LGSN: variants seen among roughly 807,000 people sequenced by gnomAD.
LGSN encodes the protein lengsin.
In LGSN, 21 loss-of-function variants were observed where a neutral mutation model predicts 19.5. The observed-to-expected ratio is 1.07, with a 90% CI of 0.76 to 1.55. The LOEUF is 1.55. Among genes scored for constraint, LGSN ranks in the 40% most tolerant of loss-of-function variants. LGSN has a pLI of 0.00. For missense variants in LGSN, 673 were observed against 608.5 expected (o/e 1.11, Z -1.12); for synonymous variants, 257 against 215.6 (o/e 1.19, Z -1.68).
At chr6:63,432,113 GAAAGAAAGAAAGAAA>G in the LGSN span, among the ~76,000 whole-genome samples, 20 of 88,006 alleles carry the variant, frequency 2.3e-4, no homozygotes, top group South Asian at 8.5e-4. Flanking sequence ...AAGAAAGAAA[GAAAGAAAGAAAGAAA>G]GAAAGAAAGA....
chr6:63,346,022 T>C, the LGSN span, among the ~76,000 whole-genome samples: 1 of 152,346 alleles, frequency 6.6e-6, no homozygotes, highest in East Asian at 1.9e-4. Context: ...TAAAGTATAC[T>C]TTTGTGATAT....
chr6:63,443,110 G>A, the LGSN span, among the ~76,000 whole-genome samples: 2 of 152,192 alleles, frequency 1.3e-5, no homozygotes, highest in Non-Finnish European at 2.9e-5. Flanking sequence ...GCTGAGGCCT[G>A]GTAAGAATTC....
chr6:63,420,188 C>G, the LGSN span, among the ~76,000 whole-genome samples: 6 of 151,160 alleles, frequency 4.0e-5, no homozygotes, highest in East Asian at 3.9e-4. Context: ...AGGCGACAGA[C>G]CGAGACTGCG....
At chr6:63,405,560 T>C in the LGSN span, among the ~76,000 whole-genome samples, 1 of 152,232 alleles carries the variant, frequency 6.6e-6, no homozygotes, top group Non-Finnish European at 1.5e-5. Context: ...TGGCCAGTGA[T>C]GGTGAGCATT....
At chr6:63,327,169 G>A in the LGSN span, among the ~76,000 whole-genome samples, 2 of 152,204 alleles carry the variant, frequency 1.3e-5, no homozygotes, top group Admixed American at 6.5e-5. Context: ...AGTGCCAGTG[G>A]GTCGGTCCAG....
the LGSN span, among the ~76,000 whole-genome samples, chr6:63,542,551 C>T: frequency 6.6e-6 from 1 of 152,094 alleles, no homozygotes; most frequent in African/African-American, 2.4e-5. Context: ...TCCCATGTTG[C>T]CTCTCTCCAA....
chr6:63,315,887 A>G (rs1423504860), intron 1 of LGSN, among the ~76,000 whole-genome samples: 1 of 151,540 alleles, frequency 6.6e-6, no homozygotes, highest in Non-Finnish European at 1.5e-5. Flanking sequence ...AAAAAAAAAA[A>G]CTCCACATTT....
the LGSN span, among the ~76,000 whole-genome samples, chr6:63,331,137 T>C: frequency 2.9e-3 from 448 of 152,226 alleles, 3 homozygotes; most frequent in African/African-American, 0.01. Context: ...CAGGGGAGAT[T>C]AGAGGAGGAT....
chr6:63,572,335 G>A, the LGSN span: 33 of 259,462 alleles, frequency 1.3e-4, no homozygotes, highest in Non-Finnish European at 2.0e-4. Context: ...TCACACCGGC[G>A]GCGGCCGCCG....
chr6:63,369,927 A>G, the LGSN span, among the ~76,000 whole-genome samples: 1 of 152,088 alleles, frequency 6.6e-6, no homozygotes, highest in South Asian at 2.1e-4. Flanking sequence ...GCTTGAACTC[A>G]GGAGGCCGAG....
At chr6:63,499,640 C>T in the LGSN span, among the ~76,000 whole-genome samples, 15 of 152,012 alleles carry the variant, frequency 9.9e-5, no homozygotes, top group South Asian at 2.1e-4. Context: ...TCCAGTTCAG[C>T]GCAATCTCCA....
the LGSN span, chr6:63,573,135 G>A: frequency 6.3e-6 from 1 of 159,150 alleles, no homozygotes; most frequent in East Asian, 1.8e-4. Context: ...TCCGGGCATG[G>A]CAGGCTCCGC....
chr6:63,444,883 C>A, the LGSN span, among the ~76,000 whole-genome samples: 1 of 152,168 alleles, frequency 6.6e-6, no homozygotes, highest in East Asian at 1.9e-4. Context: ...CCAATTCCCT[C>A]TGTAGCCAAC....
the LGSN span, among the ~76,000 whole-genome samples, chr6:63,484,485 C>T: frequency 6.6e-6 from 1 of 152,028 alleles, no homozygotes; most frequent in Non-Finnish European, 1.5e-5. Flanking sequence ...GATAGCGCCA[C>T]TACACTCCAG....
the LGSN span, among the ~76,000 whole-genome samples, chr6:63,325,031 G>A: frequency 2.0e-5 from 3 of 149,260 alleles, no homozygotes; most frequent in South Asian, 6.4e-4. Flanking sequence ...TTGAACCTGG[G>A]AGGCAGAGGT....
the LGSN span, among the ~76,000 whole-genome samples, chr6:63,361,108 CCCACTTGAGAAGGCAGTCTGT>C: frequency 6.6e-6 from 1 of 152,210 alleles, no homozygotes; most frequent in Non-Finnish European, 1.5e-5. Flanking sequence ...GGGTCAGGGA[CCCACTTGAGAAGGCAGTCTGT>C]CCATTCTCAG....
the LGSN span, among the ~76,000 whole-genome samples, chr6:63,514,808 C>T: frequency 6.6e-6 from 1 of 152,126 alleles, no homozygotes; most frequent in East Asian, 1.9e-4. Context: ...TCCAGTGATC[C>T]TCCCACTTCA....
chr6:63,294,835 G>T, intron 2 of LGSN, 78 bp downstream of exon 2: 3 of 1,386,940 alleles, frequency 2.2e-6, no homozygotes, highest in Non-Finnish European at 3.0e-6. Context: ...AAGAAATGAA[G>T]ATGTTTTATG....
chr6:63,499,688 C>G, the LGSN span, among the ~76,000 whole-genome samples: 1 of 151,976 alleles, frequency 6.6e-6, no homozygotes, highest in Non-Finnish European at 1.5e-5. Flanking sequence ...TATGGAACAC[C>G]TGATAATGTG....
Sources: allele counts gnomAD v4.1 joint callset (sites outside exome capture counted in the v4.1 genomes callset), GRCh38; gene constraint gnomAD v4.1.1; transcripts MANE v1.5; gene names NCBI Gene and HGNC (gene_info 2026-07-23, HGNC 2026-07-21).